ZC3H6: variants seen among roughly 807,000 people sequenced by gnomAD.
The protein encoded by ZC3H6 is zinc finger CCCH-type containing 6.
In ZC3H6, 40 loss-of-function variants were observed where a neutral mutation model predicts 107.7. The observed-to-expected ratio is 0.37, with a 90% CI of 0.29 to 0.48. The LOEUF (loss-of-function observed/expected upper bound fraction) is 0.48, where lower values mean the gene tolerates loss of function less well. Ranked by LOEUF, ZC3H6 falls within the 20% of genes least tolerant of loss-of-function variation. The probability of loss-of-function intolerance (pLI) is 0.98; values close to 1 mark genes in which losing one functional copy is unlikely to be tolerated. For synonymous variants in ZC3H6, 493 were observed against 487.9 expected, an observed-to-expected ratio of 1.01 and a Z score of -0.14; for missense variants, 1,267 against 1,410.4, an observed-to-expected ratio of 0.90 and a Z score of 1.63.
intron 5 of ZC3H6, among the ~76,000 whole-genome samples, chr2:112,313,465 A>G (rs1676629899): frequency 6.6e-6 from 1 of 152,200 alleles, no homozygotes; most frequent in South Asian, 2.1e-4. Context: ...GACTTTGAGC[A>G]AGTTATACCT....
rs1416540870 is a variant in ZC3H6, at chr2:112,338,977, C to G, written c.*6489C>G. On this transcript the variant is annotated 3_prime_UTR_variant, in exon 12 of 12. Transcript: ENST00000409871. ...AGGCTGGAGTACAGCTCACAGCAAC[C>G]TCTGCCTCCCAGGTTCAAGCAATTC... The G allele has an allele frequency of 6.7e-6, 1 of 149,688 alleles. No homozygotes were observed. Among genetic ancestry groups the G allele is most frequent in the Non-Finnish European group, 1.5e-5 (1 of 67,276 alleles). The allele number at this position is 149,688 out of a possible 1,614,324, so 9.3% of individuals were successfully genotyped here.
At chr2:112,326,392 T>A (rs1676906896) in intron 11 of ZC3H6, among the ~76,000 whole-genome samples, 1 of 152,152 alleles carries the variant, frequency 6.6e-6, no homozygotes, top group African/African-American at 2.4e-5. Flanking sequence ...CTGGTAACCA[T>A]CCTTCTACTC....
At chr2:112,291,296 C>T (rs529556988) in intron 1 of ZC3H6, among the ~76,000 whole-genome samples, 9 of 152,118 alleles carry the variant, frequency 5.9e-5, no homozygotes, top group Non-Finnish European at 8.8e-5. Context: ...TGCAGTGGCA[C>T]GATCTCAGTT....
rs575158986 is a variant in ZC3H6, at chr2:112,332,528, A to G, written c.*40A>G. The G allele has an allele frequency of 5.2e-6, 8 of 1,547,048 alleles. No homozygotes were observed. The highest frequency in any genetic ancestry group is 6.1e-6 in the Non-Finnish European group (7 of 1,148,482). Reference sequence around the variant, plus strand: ...AGCAATTCTTTTCACTCTTGTGACTATCTCAGTCCTCTGCTGTTTTGTAAC... The same window carrying G: ...AGCAATTCTTTTCACTCTTGTGACTGTCTCAGTCCTCTGCTGTTTTGTAAC... On this transcript the variant is annotated 3_prime_UTR_variant, in exon 12 of 12. Transcript: ENST00000409871.
intron 1 of ZC3H6, among the ~76,000 whole-genome samples, chr2:112,278,484 A>AT (rs1048878009): frequency 1.3e-5 from 2 of 151,900 alleles, no homozygotes; most frequent in Non-Finnish European, 1.5e-5. Flanking sequence ...CACCTGGCTA[A>AT]TTTTTTGTAT....
chr2:112,331,756 C>T lies in ZC3H6; in HGVS notation c.2838C>T (p.Tyr946=), dbSNP rs1217721158. 6.2e-7 allele frequency: 1 copy of T among 1,613,610 alleles called. No homozygotes were observed. The highest frequency in any genetic ancestry group is 1.7e-5 in the Admixed American group (1 of 59,974). The change falls in exon 12 of 12, where the codon TAC becomes TAT. Residue 946 remains tyrosine (Y), a synonymous_variant. Coordinates refer to ENST00000409871, the MANE Select transcript of ZC3H6 (RefSeq NM_198581.3). ...TTAACACAACAAACAGAGAAGGCTACCTAGAACAATTTGGAGACTCACACG... is the reference window on the plus strand; with the variant it reads ...TTAACACAACAAACAGAGAAGGCTATCTAGAACAATTTGGAGACTCACACG... ...AKINTTNREG[Y]LEQFGDSHGS... is the part of the protein sequence containing the mutation.
chr2:112,310,446 G>C (rs966321931), intron 4 of ZC3H6, among the ~76,000 whole-genome samples: 2 of 152,160 alleles, frequency 1.3e-5, no homozygotes, highest in African/African-American at 2.4e-5. Context: ...TGTCATGTCA[G>C]TATACAGTTA....
intron 2 of ZC3H6, among the ~76,000 whole-genome samples, chr2:112,302,526 C>A (rs1676399420): frequency 6.6e-6 from 1 of 151,924 alleles, no homozygotes; most frequent in Non-Finnish European, 1.5e-5. Context: ...ATACACAGAG[C>A]CAGTGTTTTC....
At chr2:112,300,937 A>G (rs1402680992) in intron 2 of ZC3H6, among the ~76,000 whole-genome samples, 1 of 152,222 alleles carries the variant, frequency 6.6e-6, no homozygotes, top group African/African-American at 2.4e-5. Context: ...GGATAACACA[A>G]CCAAAACCCA....
At position 112,337,332 on chromosome 2, in the gene ZC3H6, T is replaced by G. The variant is rs1308288265; in HGVS notation, c.*4844T>G. On this transcript the variant is annotated 3_prime_UTR_variant, in exon 12 of 12. Transcript: ENST00000409871. The stretch of plus-strand genomic sequence containing the variant: ...TTTTTTTTTTTAATTTGTTGTTGTT[T>G]TTGTTTGAGACAGAGTCTTCATTCT... 3 of 152,126 alleles carry G rather than the reference T, an allele frequency of 2.0e-5. No individual in the cohort carries two copies. Among genetic ancestry groups the G allele is most frequent in the African/African-American group, 7.2e-5 (3 of 41,416 alleles). The allele number at this position is 152,126 out of a possible 1,614,324, so 9.4% of individuals were successfully genotyped here.
At chr2:112,283,978 T>C (rs1218169055) in intron 1 of ZC3H6, among the ~76,000 whole-genome samples, 2 of 152,404 alleles carry the variant, frequency 1.3e-5, no homozygotes, top group East Asian at 3.8e-4. Flanking sequence ...CAAGTCTGGC[T>C]AACTTAGATC....
intron 5 of ZC3H6, among the ~76,000 whole-genome samples, chr2:112,312,971 G>A (rs1165518095): frequency 3.3e-5 from 5 of 152,024 alleles, no homozygotes; most frequent in Non-Finnish European, 2.9e-5. Context: ...AAGATAGTGG[G>A]CAGAGATTTC....
chr2:112,329,957 A>G (rs568432491), intron 11 of ZC3H6, among the ~76,000 whole-genome samples: 7 of 152,232 alleles, frequency 4.6e-5, no homozygotes. Flanking sequence ...TTCTTTAGGT[A>G]GGCTTCTTAA....
chr2:112,303,992 C>G (rs1327739677), intron 3 of ZC3H6, among the ~76,000 whole-genome samples: 1 of 152,172 alleles, frequency 6.6e-6, no homozygotes, highest in Non-Finnish European at 1.5e-5. Context: ...TCCACAGTGG[C>G]TGCACTATTT....
chr2:112,295,029 G>C (rs2104702200), intron 1 of ZC3H6, among the ~76,000 whole-genome samples: 2 of 152,150 alleles, frequency 1.3e-5, no homozygotes, highest in South Asian at 4.2e-4. Context: ...TTTAATTTTA[G>C]AACATTTTCA....
chr2:112,322,646 T>C lies in ZC3H6; in HGVS notation c.1087-3T>C. ...AATAGTAATCTTTGCCAATTATTTT[T>C]AGGTGTTGAATACTGATGAAGAACT... On this transcript the variant is annotated splice_polypyrimidine_tract_variant and splice_region_variant and intron_variant, in intron 8 of 11. Transcript: ENST00000409871. 1 of 1,581,554 alleles carries C rather than the reference T, an allele frequency of 6.3e-7. No homozygotes were observed. Among genetic ancestry groups the C allele is most frequent in the Non-Finnish European group, 8.6e-7 (1 of 1,168,818 alleles).
intron 3 of ZC3H6, among the ~76,000 whole-genome samples, chr2:112,306,532 C>G (rs1230964711): frequency 6.6e-6 from 1 of 152,110 alleles, no homozygotes; most frequent in Non-Finnish European, 1.5e-5. Flanking sequence ...GTGATCCTAT[C>G]TCTTCATAAG....
At chr2:112,323,514 T>C (rs1676844524) in intron 9 of ZC3H6, among the ~76,000 whole-genome samples, 1 of 152,194 alleles carries the variant, frequency 6.6e-6, no homozygotes, top group Admixed American at 6.5e-5. Flanking sequence ...GGAAGATAAG[T>C]ATGTCCACTA....
At position 112,332,068 on chromosome 2, in the gene ZC3H6, C is replaced by G. The variant is rs760185492; in HGVS notation, c.3150C>G (p.Asp1050Glu). Residue 1050 changes from aspartate (D) to glutamate (E), a missense_variant, in exon 12 of 12, where the codon GAC becomes GAG. By Grantham distance (45) the Asp-to-Glu change is conservative. This residue lies in a region of ZC3H6 where 925 missense variants were observed against 1,025.7 expected (regional missense o/e 0.90). Transcript: ENST00000409871. ...TSVLSGISLYDPRDHGSSSTS... is the reference protein window; with the variant it reads ...TSVLSGISLYEPRDHGSSSTS... ...TTCTTAGTGGTATTAGTTTGTATGACCCTAGGGATCACGGTTCATCATCCA... is the reference window on the plus strand; with the variant it reads ...TTCTTAGTGGTATTAGTTTGTATGAGCCTAGGGATCACGGTTCATCATCCA... The G allele has an allele frequency of 9.3e-6, 15 of 1,613,996 alleles. No individual in the cohort carries two copies. The highest frequency in any genetic ancestry group is 1.1e-5 in the Non-Finnish European group (13 of 1,179,886).
Sources: gnomAD v4.1 joint callset for allele counts (sites outside exome capture counted in the v4.1 genomes callset) on GRCh38, gnomAD v4.1.1 for gene constraint, gnomAD v4.1.1 regional missense constraint, MANE v1.5 for transcripts, NCBI Gene and HGNC (gene_info 2026-07-23, HGNC 2026-07-21) for gene names.